RNF41: variants seen among roughly 807,000 people sequenced by gnomAD.
RNF41 encodes E3 ubiquitin-protein ligase NRDP1.
In RNF41, 4 loss-of-function variants were observed where a neutral mutation model predicts 33.0. The observed-to-expected ratio is 0.12, with a 90% CI of 0.06 to 0.28. The LOEUF is 0.28. RNF41 is among the 10% of genes least tolerant of loss of function. RNF41 has a pLI of 1.00. For synonymous variants in RNF41, 164 were observed against 153.2 expected, an observed-to-expected ratio of 1.07 and a Z score of -0.52; for missense variants, 228 against 432.6, an observed-to-expected ratio of 0.53 and a Z score of 4.19.
At chr12:56,221,086 C>T (rs1239463242) in intron 1 of RNF41, among the ~76,000 whole-genome samples, 1 of 152,122 alleles carries the variant, frequency 6.6e-6, no homozygotes, top group East Asian at 1.9e-4. Flanking sequence ...GTCTGTCAAT[C>T]CCTCAAGCAA....
intron 1 of RNF41, among the ~76,000 whole-genome samples, chr12:56,220,086 TC>T (rs1308069676): frequency 1.3e-5 from 2 of 151,914 alleles, no homozygotes; most frequent in African/African-American, 4.8e-5. Flanking sequence ...ACTGTTATCC[TC>T]AAGTAAGATT....
At position 56,202,513 on chromosome 12, in the gene RNF41, G is replaced by A. The variant is rs1191783152; in HGVS notation, c.*3934C>T. On this transcript the variant is annotated 3_prime_UTR_variant, in exon 7 of 7. Transcript: ENST00000345093. ...GCAGCCACAGACAATATATAAACAA[G>A]TGGGCATAACTGTATTCCAATAAAG... The A allele has an allele frequency of 6.6e-6, 1 of 152,184 alleles. No individual in the cohort carries two copies. The highest frequency in any genetic ancestry group is 1.5e-5 in the Non-Finnish European group (1 of 68,036). The allele number at this position is 152,184 out of a possible 1,614,324, so 9.4% of individuals were successfully genotyped here. A position where few individuals can be genotyped will look rare whatever the true frequency, so the allele number is the denominator to read the frequency against.
chr12:56,217,626 C>T (rs1869004536), intron 1 of RNF41, among the ~76,000 whole-genome samples: 1 of 152,172 alleles, frequency 6.6e-6, no homozygotes, highest in African/African-American at 2.4e-5. Context: ...CCCCAAATCC[C>T]CAGATGGACC....
chr12:56,207,800 A>T (rs1321827352), intron 5 of RNF41, 51 bp from the exon 6 acceptor site: 19 of 1,441,420 alleles, frequency 1.3e-5, no homozygotes, highest in Non-Finnish European at 1.9e-5. Flanking sequence ...ACAGCAGAAA[A>T]AAGACAAAAG....
chr12:56,208,214 G>A lies in RNF41; in HGVS notation c.447C>T (p.Ile149=), dbSNP rs17118378. 2.5e-3 allele frequency: 4,070 copies of A among 1,614,208 alleles called. 68 individuals carry two copies. In the African/African-American group the frequency reaches 0.034, roughly 14 times the overall value. Residue 149 remains isoleucine (I), a synonymous_variant, in exon 5 of 7, where the codon ATC becomes ATT. Transcript: ENST00000345093. Reference sequence around the variant, plus strand: ...CAGCTGACGTCTTCTCCAGCTCTGCGATGCGTGTCTGCTGCTGCTGTACCA... The same window carrying A: ...CAGCTGACGTCTTCTCCAGCTCTGCAATGCGTGTCTGCTGCTGCTGTACCA... ...RSVVQQQQTR[I]AELEKTSAEH...
At chr12:56,218,585 ACAAGT>A (rs1869087687) in intron 1 of RNF41, among the ~76,000 whole-genome samples, 1 of 151,818 alleles carries the variant, frequency 6.6e-6, no homozygotes, top group Non-Finnish European at 1.5e-5. Context: ...ACACATTTAA[ACAAGT>A]CAAGTAACCC....
chr12:56,210,912 C>T (rs1274503), intron 3 of RNF41, among the ~76,000 whole-genome samples: 127,884 of 152,176 alleles, frequency 0.84, 58,083 homozygotes, highest in South Asian at 1. Flanking sequence ...ATAGGCCGGG[C>T]GCAGTGGCTC....
At chr12:56,207,192 A>G in intron 6 of RNF41, 1 of 1,329,184 alleles carries the variant, frequency 7.5e-7, no homozygotes, top group South Asian at 1.2e-5. Context: ...ACTGTATAGG[A>G]CTCCAGAACT....
At chr12:56,217,103 G>A (rs896316474) in intron 1 of RNF41, among the ~76,000 whole-genome samples, 5 of 147,688 alleles carry the variant, frequency 3.4e-5, no homozygotes, top group Admixed American at 1.4e-4. Context: ...CCGCGCCACC[G>A]CACTCCAGCC....
At chr12:56,213,890 C>G (rs1868661568) in intron 3 of RNF41, 68 bp downstream of exon 3, 1 of 1,008,210 alleles carries the variant, frequency 9.9e-7, no homozygotes, top group East Asian at 2.4e-5. Context: ...TCCCGCTGCC[C>G]ATGAATATTT....
intron 3 of RNF41, chr12:56,213,227 G>A: frequency 1.2e-6 from 1 of 827,840 alleles, no homozygotes. Flanking sequence ...TTGAGATGGA[G>A]TCTCACTCTG....
chr12:56,213,511 G>A (rs1365420573), intron 3 of RNF41, among the ~76,000 whole-genome samples: 2 of 152,094 alleles, frequency 1.3e-5, no homozygotes, highest in African/African-American at 4.8e-5. Context: ...TTAGACAGTA[G>A]GCAGGTAGAA....
intron 5 of RNF41, 141 bp downstream of exon 5, chr12:56,208,022 A>G (rs1868306407): frequency 2.9e-6 from 3 of 1,028,404 alleles, no homozygotes; most frequent in Non-Finnish European, 4.4e-6. Flanking sequence ...ATTCCCTGCT[A>G]AGCCACAGGC....
At position 56,205,569 on chromosome 12, in the gene RNF41, AG is replaced by A. The variant is rs63137960; in HGVS notation, c.*877del. ...TGATCAGGCCATTCTTAAAAAAAAG[AG>A]GGGGGGGGGCAGTAGGTGGAGTTTG... On this transcript the variant is annotated 3_prime_UTR_variant, in exon 7 of 7. Coordinates refer to ENST00000345093, the MANE Select transcript of RNF41 (RefSeq NM_005785.4). 3.0e-3 allele frequency: 385 copies of A among 127,508 alleles called. 2 individuals carry two copies. Among genetic ancestry groups the A allele is most frequent in the South Asian group, 0.012 (42 of 3,628 alleles). The allele number at this position is 127,508 out of a possible 1,614,324, so 7.9% of individuals were successfully genotyped here.
At chr12:56,207,212 C>A in intron 6 of RNF41, 1 of 1,328,520 alleles carries the variant, frequency 7.5e-7, no homozygotes, top group South Asian at 1.2e-5. Flanking sequence ...TGAAAGAGAT[C>A]TTAGACTTCA....
intron 1 of RNF41, among the ~76,000 whole-genome samples, chr12:56,217,664 C>T (rs907125907): frequency 9.2e-5 from 14 of 152,176 alleles, no homozygotes; most frequent in African/African-American, 3.4e-4. Context: ...TATCAGGAAC[C>T]GGGTCGTACA....
chr12:56,213,199 GTTTTTGT>G, intron 3 of RNF41: 1 of 965,528 alleles, frequency 1.0e-6, no homozygotes, highest in Non-Finnish European at 1.4e-6. Flanking sequence ...CTTCCTATTT[GTTTTTGT>G]TTTTTTTTTT....
At chr12:56,218,243 C>T (rs569992360) in intron 1 of RNF41, among the ~76,000 whole-genome samples, 17 of 151,998 alleles carry the variant, frequency 1.1e-4, no homozygotes, top group Middle Eastern at 3.4e-3. Context: ...TGTGAGCCAC[C>T]GCGCCTGGCC....
Position 56,206,361 on chromosome 12 carries a change from G to C in RNF41, c.*86C>G. 1 of 1,160,442 alleles carries C rather than the reference G, an allele frequency of 8.6e-7. No homozygotes were observed. The highest frequency in any genetic ancestry group is 1.4e-5 in the South Asian group (1 of 70,534). The allele number at this position is 1,160,442 out of a possible 1,614,324, so 71.9% of individuals were successfully genotyped here. On this transcript the variant is annotated 3_prime_UTR_variant, in exon 7 of 7. Transcript: ENST00000345093. The surrounding 1 kb of genome is among the most constrained non-coding windows in gnomAD (Gnocchi z 5.7). ...GCTCAGGTATAAGCCACAGTATTAAGAATGGTGGGTAGGACTCAGGTCCCA... is the reference window on the plus strand; with the variant it reads ...GCTCAGGTATAAGCCACAGTATTAACAATGGTGGGTAGGACTCAGGTCCCA...
Sources: gnomAD v4.1 joint callset for allele counts (sites outside exome capture counted in the v4.1 genomes callset) on GRCh38, gnomAD v4.1.1 for gene constraint, Gnocchi (gnomAD v3.1) non-coding constraint, MANE v1.5 for transcripts, NCBI Gene and HGNC (gene_info 2026-07-23, HGNC 2026-07-21) for gene names.